Variants in STK4 observed in about 807,000 individuals in gnomAD.
STK4 encodes the protein serine/threonine-protein kinase 4.
Under a neutral mutation model 64.9 loss-of-function variants are expected in STK4, and 30 were observed. The observed-to-expected ratio is 0.46, with a 90% CI of 0.35 to 0.63. The LOEUF is 0.63. Ranked by LOEUF, STK4 falls within the 20% of genes least tolerant of loss-of-function variation. The probability of loss-of-function intolerance (pLI) is 0.01; values close to 1 mark genes in which losing one functional copy is unlikely to be tolerated. For missense variants in STK4, 466 were observed against 598.5 expected (o/e 0.78, Z 2.31); for synonymous variants, 177 against 199.0 (o/e 0.89, Z 0.93).
chr20:45,035,538 ACTT>A (rs966489073), intron 10 of STK4, among the ~76,000 whole-genome samples: 11 of 152,240 alleles, frequency 7.2e-5, no homozygotes, highest in African/African-American at 2.6e-4. Flanking sequence ...ATTTCTTATG[ACTT>A]CTTCTATAAA....
chr20:45,072,626 G>T (rs1169501203), intron 10 of STK4, among the ~76,000 whole-genome samples: 1 of 152,194 alleles, frequency 6.6e-6, no homozygotes, highest in African/African-American at 2.4e-5. Context: ...GGTGTTCAAT[G>T]AGTATTTATA....
At chr20:45,016,749 A>G (rs1200191921) in intron 9 of STK4, among the ~76,000 whole-genome samples, 1 of 152,212 alleles carries the variant, frequency 6.6e-6, no homozygotes, top group East Asian at 1.9e-4. Context: ...GTATAGTTAT[A>G]TTGGTAAAAG....
chr20:44,991,853 A>G (rs907619376), intron 5 of STK4, among the ~76,000 whole-genome samples: 3 of 152,090 alleles, frequency 2.0e-5, no homozygotes, highest in Admixed American at 6.6e-5. Context: ...TTGTAGAGAC[A>G]TAGTTTCACC....
chr20:45,002,351 T>A (rs1382920092), intron 9 of STK4, among the ~76,000 whole-genome samples: 1 of 152,218 alleles, frequency 6.6e-6, no homozygotes, highest in Non-Finnish European at 1.5e-5. Flanking sequence ...TTCAATGAGT[T>A]GTTTATTCTT....
intron 9 of STK4, among the ~76,000 whole-genome samples, chr20:45,019,332 CATA>C (rs1192935920): frequency 2.0e-5 from 3 of 152,108 alleles, no homozygotes; most frequent in Non-Finnish European, 2.9e-5. Flanking sequence ...TTTCATTTTG[CATA>C]ATGTTTTTGA....
intron 5 of STK4, 120 bp downstream of exon 5, chr20:44,987,416 A>C: frequency 1.0e-6 from 1 of 996,606 alleles, no homozygotes; most frequent in South Asian, 1.8e-5. Flanking sequence ...AAAATCACAG[A>C]ATCTGCCAAT....
chr20:44,979,767 C>A lies in STK4; in HGVS notation c.245+1196C>A, dbSNP rs185572051. 2.0e-3 allele frequency among the ~76,000 whole-genome samples: 300 copies of A among 151,540 alleles called. 1 individual carries two copies. The highest frequency in any genetic ancestry group is 3.5e-3 in the Non-Finnish European group (235 of 67,970). On this transcript the variant is annotated intron_variant, in intron 3 of 10. Transcript: ENST00000372806. Reference sequence around the variant, plus strand: ...ATGTAGTCCTTTCTTTTTTCTCTCCCTTCTTTTTTTTTCCCTTCTATTTTT... The same window carrying A: ...ATGTAGTCCTTTCTTTTTTCTCTCCATTCTTTTTTTTTCCCTTCTATTTTT...
chr20:44,993,667 G>A (rs1252580428), intron 5 of STK4, among the ~76,000 whole-genome samples: 6 of 152,096 alleles, frequency 3.9e-5, no homozygotes, highest in Non-Finnish European at 7.4e-5. Context: ...GTCCTTTTTC[G>A]TATTTAGTTC....
At position 45,025,264 on chromosome 20, in the gene STK4, G is replaced by C. The variant is rs1033042482; in HGVS notation, c.1305+134G>C. ...CCTGACAGTGTCTACTGAGCTGAAGGACAGTATTTTGACTGATGTTTGGGC... is the reference window on the plus strand; with the variant it reads ...CCTGACAGTGTCTACTGAGCTGAAGCACAGTATTTTGACTGATGTTTGGGC... On this transcript the variant is annotated intron_variant, in intron 10 of 10. Coordinates refer to ENST00000372806, the MANE Select transcript of STK4 (RefSeq NM_006282.5). The C allele has an allele frequency of 2.5e-5, 26 of 1,043,112 alleles. No homozygotes were observed. In the Admixed American group the frequency reaches 2.9e-4, roughly 12 times the overall value. 64.6% of individuals were successfully genotyped at this position (1,043,112 alleles called of 1,614,324 possible).
chr20:45,010,189 C>T (rs1387139888), intron 9 of STK4, among the ~76,000 whole-genome samples: 1 of 152,088 alleles, frequency 6.6e-6, no homozygotes, highest in Non-Finnish European at 1.5e-5. Context: ...CTGTCTCAGC[C>T]TCCTGAGATT....
chr20:45,044,126 T>TA (rs2068656433), intron 10 of STK4, among the ~76,000 whole-genome samples: 1 of 152,208 alleles, frequency 6.6e-6, no homozygotes, highest in South Asian at 2.1e-4. Flanking sequence ...CTCTATACAA[T>TA]AATACAGTGT....
intron 10 of STK4, among the ~76,000 whole-genome samples, chr20:45,027,934 G>A (rs1478956121): frequency 6.6e-6 from 1 of 152,184 alleles, no homozygotes; most frequent in South Asian, 2.1e-4. Context: ...TAAAAGAAGC[G>A]ACAACATTTC....
chr20:45,052,936 G>T (rs993841143), intron 10 of STK4: 5 of 615,324 alleles, frequency 8.1e-6, no homozygotes, highest in African/African-American at 3.7e-5. Flanking sequence ...GCAGTTTCTG[G>T]TGAGAAGACT....
intron 2 of STK4, chr20:44,975,668 T>C (rs1431719116): frequency 6.6e-6 from 1 of 152,230 alleles, no homozygotes; most frequent in Non-Finnish European, 1.5e-5. Flanking sequence ...TGAAATAAAT[T>C]TGCCTGACCA....
At chr20:44,979,429 A>G (rs6031897) in intron 3 of STK4, among the ~76,000 whole-genome samples, 2,955 of 152,320 alleles carry the variant, frequency 0.019, 94 homozygotes, top group African/African-American at 0.067. Flanking sequence ...AAGTCAGACC[A>G]AAAGACAACC....
rs2067544166 is a variant in STK4, at chr20:44,987,177, G to A, written c.406G>A (p.Gly136Arg). Residue 136 changes from glycine to arginine, a missense_variant, in exon 5 of 11, where the codon GGA becomes AGA. This residue lies in a region of STK4 where 190 missense variants were observed against 289.7 expected (regional missense o/e 0.66). Coordinates refer to ENST00000372806, the MANE Select transcript of STK4 (RefSeq NM_006282.5). ...IATILQSTLK[G>R]LEYLHFMRKI... ...TACAATATTACAATCAACTCTTAAG[G>A]GACTTGAATACCTTCATTTTATGAG... 1.9e-6 allele frequency: 3 copies of A among 1,607,094 alleles called. No homozygotes were observed. Among genetic ancestry groups the A allele is most frequent in the Non-Finnish European group, 2.6e-6 (3 of 1,176,234 alleles).
intron 10 of STK4, among the ~76,000 whole-genome samples, chr20:45,074,345 A>T (rs763979097): frequency 6.6e-6 from 1 of 152,204 alleles, no homozygotes; most frequent in Admixed American, 6.5e-5. Flanking sequence ...TTTTCTTTGG[A>T]TGATAGAAAC....
intron 10 of STK4, among the ~76,000 whole-genome samples, chr20:45,061,946 C>G (rs1165347874): frequency 1.4e-5 from 2 of 138,930 alleles, no homozygotes; most frequent in African/African-American, 2.7e-5. Flanking sequence ...GTGGGGCGAT[C>G]TCAGCTCACT....
At chr20:45,041,749 G>A (rs1394835342) in intron 10 of STK4, among the ~76,000 whole-genome samples, 1 of 150,182 alleles carries the variant, frequency 6.7e-6, no homozygotes, top group Non-Finnish European at 1.5e-5. Context: ...CCACATTTTA[G>A]TGCTGTTTGT....
Sources: allele counts gnomAD v4.1 joint callset (sites outside exome capture counted in the v4.1 genomes callset), GRCh38; gene constraint gnomAD v4.1.1; regional missense constraint gnomAD v4.1.1; transcripts MANE v1.5; gene names NCBI Gene and HGNC (gene_info 2026-07-23, HGNC 2026-07-21).